The following NCAM2 variants were observed in gnomAD, a reference collection of about 807,000 sequenced individuals.
NCAM2 encodes the protein neural cell adhesion molecule 2.
NCAM2 carries 30 observed loss-of-function variants against 98.1 expected under a neutral mutation model. That is an observed-to-expected ratio of 0.31 (90% CI 0.23 to 0.41). NCAM2 has a LOEUF of 0.41. Ranked by LOEUF, NCAM2 falls within the 10% of genes least tolerant of loss-of-function variation. The pLI is 1.00. For missense variants in NCAM2, 867 were observed against 1,005.8 expected, an observed-to-expected ratio of 0.86 and a Z score of 1.87; for synonymous variants, 368 against 342.4, an observed-to-expected ratio of 1.07 and a Z score of -0.83.
intron 12 of NCAM2, among the ~76,000 whole-genome samples, chr21:21,458,126 C>T (rs185014719): frequency 6.6e-4 from 100 of 152,320 alleles, no homozygotes; most frequent in Non-Finnish European, 1.2e-3. Context: ...CCTACAGGAT[C>T]TCCTAGTGCC....
intron 1 of NCAM2, among the ~76,000 whole-genome samples, chr21:21,003,285 T>C (rs961240120): frequency 6.6e-6 from 1 of 152,164 alleles, no homozygotes; most frequent in South Asian, 2.1e-4. Flanking sequence ...TTTGAGAATA[T>C]TTATAAGCAT....
In NCAM2 at chr21:21,188,300, C is replaced by G. The variant is rs578248523; in HGVS notation, c.56-92278C>G. Among the ~76,000 whole-genome samples the G allele has an allele frequency of 1.0e-3, 159 of 152,146 alleles. 1 individual carries two copies. The highest frequency in any genetic ancestry group is 3.7e-3 in the African/African-American group (153 of 41,524). On this transcript the variant is annotated intron_variant, in intron 1 of 17. Coordinates refer to ENST00000400546, the MANE Select transcript of NCAM2 (RefSeq NM_004540.5). ...AGCTGCAATAGATAATAAATACTTA[C>G]AAATTTTTGCCAATTTTCAGTAGTA...
chr21:21,005,152 C>A (rs1024515492), intron 1 of NCAM2, among the ~76,000 whole-genome samples: 1 of 152,096 alleles, frequency 6.6e-6, no homozygotes, highest in African/African-American at 2.4e-5. Flanking sequence ...TGGTTTGACT[C>A]TAGTGTAAAT....
At chr21:21,376,209 G>T (rs1436539438) in intron 9 of NCAM2, among the ~76,000 whole-genome samples, 2 of 151,830 alleles carry the variant, frequency 1.3e-5, no homozygotes, top group East Asian at 3.8e-4. Flanking sequence ...CTCCAGAGAT[G>T]CCCTGGGATT....
At chr21:21,230,471 A>G (rs2070577725) in intron 1 of NCAM2, among the ~76,000 whole-genome samples, 1 of 151,362 alleles carries the variant, frequency 6.6e-6, no homozygotes, top group Non-Finnish European at 1.5e-5. Flanking sequence ...CCTGAGGCCC[A>G]AAGATACTAA....
In NCAM2 at chr21:21,539,333, C is replaced by T. The variant is rs948192546; in HGVS notation, c.*1376C>T. The T allele has an allele frequency of 1.3e-5, 2 of 152,082 alleles. No individual in the cohort carries two copies. The highest frequency in any genetic ancestry group is 1.5e-5 in the Non-Finnish European group (1 of 68,016). The allele number at this position is 152,082 out of a possible 1,614,324, so 9.4% of individuals were successfully genotyped here. ...GGAGCAGGTTTATTAACCTTGAGAG[C>T]CAAAGGTTTCCTTAGGCCCTGTAAC... is the stretch of plus-strand genomic sequence containing the variant. On this transcript the variant is annotated 3_prime_UTR_variant, in exon 18 of 18. Transcript: ENST00000400546.
intron 9 of NCAM2, among the ~76,000 whole-genome samples, chr21:21,380,120 A>G (rs1191866213): frequency 6.6e-6 from 1 of 152,050 alleles, no homozygotes; most frequent in Non-Finnish European, 1.5e-5. Flanking sequence ...CTCAAATGTT[A>G]ATCTCCTTTG....
At chr21:21,191,095 G>A (rs2068806433) in intron 1 of NCAM2, among the ~76,000 whole-genome samples, 2 of 152,150 alleles carry the variant, frequency 1.3e-5, no homozygotes, top group African/African-American at 4.8e-5. Context: ...GAGGCCATGT[G>A]AGGGAAACTG....
In NCAM2 at chr21:21,312,695, A is replaced by G. The variant is rs114951888; in HGVS notation, c.620-11688A>G. On this transcript the variant is annotated intron_variant, in intron 5 of 17. Transcript: ENST00000400546. ...GTAGGTTTATTTTCTTGTACCATAT[A>G]TGACATGTTAAATTATCAGCATAAT... 3.4e-3 allele frequency among the ~76,000 whole-genome samples: 510 copies of G among 151,870 alleles called. 5 individuals are homozygous for G. The highest frequency in any genetic ancestry group is 0.012 in the African/African-American group (499 of 41,520).
chr21:21,260,437 C>A (rs1053900897), intron 1 of NCAM2, among the ~76,000 whole-genome samples: 3 of 151,714 alleles, frequency 2.0e-5, no homozygotes, highest in African/African-American at 7.3e-5. Context: ...AAAAAAAAAT[C>A]TTAAGGCAGC....
rs11325446 is a variant in NCAM2, at chr21:21,063,210, CTTTTTTTT to C, written c.55+64613_55+64620del. Among the ~76,000 whole-genome samples the C allele has an allele frequency of 1.7e-4, 11 of 66,106 alleles. No homozygotes were observed. In the East Asian group the frequency reaches 3.0e-3, roughly 18 times the overall value. The allele number at this position is 66,106 out of a possible 152,430, so 43.4% of individuals were successfully genotyped here. On this transcript the variant is annotated intron_variant, in intron 1 of 17. Transcript: ENST00000400546. ...TCATAGCACTGTTTATCTTTACATT[CTTTTTTTT>C]TTTTTTTTTTTTTTTTTTTTGAGCC... is the stretch of plus-strand genomic sequence containing the variant.
At chr21:21,130,746 T>G (rs2146610707) in intron 1 of NCAM2, among the ~76,000 whole-genome samples, 1 of 147,466 alleles carries the variant, frequency 6.8e-6, no homozygotes, top group South Asian at 2.2e-4. Flanking sequence ...TTTTTTTTGG[T>G]GTTTTTAACA....
At chr21:21,038,690 C>G (rs947389331) in intron 1 of NCAM2, among the ~76,000 whole-genome samples, 6 of 152,318 alleles carry the variant, frequency 3.9e-5, no homozygotes, top group African/African-American at 1.4e-4. Context: ...AGTTAAACCA[C>G]TTTCCTTTAT....
intron 1 of NCAM2, among the ~76,000 whole-genome samples, chr21:21,089,609 GA>G (rs1179524523): frequency 6.6e-6 from 1 of 152,108 alleles, no homozygotes; most frequent in Non-Finnish European, 1.5e-5. Flanking sequence ...GTGTGTGCCT[GA>G]CATCTAAAGC....
intron 4 of NCAM2, among the ~76,000 whole-genome samples, chr21:21,288,059 T>TATTCAC (rs2073164259): frequency 6.6e-6 from 1 of 151,574 alleles, no homozygotes. Context: ...AGCATAGTAT[T>TATTCAC]TGGTATAACC....
At chr21:21,073,643 T>A (rs1465012464) in intron 1 of NCAM2, among the ~76,000 whole-genome samples, 2 of 152,218 alleles carry the variant, frequency 1.3e-5, no homozygotes, top group African/African-American at 4.8e-5. Flanking sequence ...GCTGTGTCTC[T>A]GATTTTCACT....
intron 8 of NCAM2, among the ~76,000 whole-genome samples, chr21:21,342,523 C>G (rs1418832917): frequency 6.6e-6 from 1 of 152,158 alleles, no homozygotes; most frequent in Non-Finnish European, 1.5e-5. Flanking sequence ...GTATGGCTAT[C>G]TAAGAGCAGC....
intron 1 of NCAM2, among the ~76,000 whole-genome samples, chr21:21,076,007 C>T (rs1474282648): frequency 6.6e-6 from 1 of 151,646 alleles, no homozygotes; most frequent in Non-Finnish European, 1.5e-5. Context: ...GTCCCAGCCA[C>T]TCAGAAGGCT....
At chr21:21,157,431 T>G (rs942470760) in intron 1 of NCAM2, among the ~76,000 whole-genome samples, 1 of 152,170 alleles carries the variant, frequency 6.6e-6, no homozygotes, top group South Asian at 2.1e-4. Flanking sequence ...GCTTTTGTAT[T>G]TTTACAGATT....
Sources: allele counts gnomAD v4.1 joint callset (sites outside exome capture counted in the v4.1 genomes callset), GRCh38; gene constraint gnomAD v4.1.1; transcripts MANE v1.5; gene names NCBI Gene and HGNC (gene_info 2026-07-23, HGNC 2026-07-21).